The following NDRG2 variants were observed in gnomAD, a reference collection of about 807,000 sequenced individuals.
NDRG2 encodes the protein NDRG family member 2.
Under a neutral mutation model 58.2 loss-of-function variants are expected in NDRG2, and 34 were observed. The observed-to-expected ratio is 0.58, with a 90% confidence interval of 0.44 to 0.78. The LOEUF (loss-of-function observed/expected upper bound fraction) is 0.78, where lower values mean the gene tolerates loss of function less well. Ranked by LOEUF, NDRG2 falls within the 30% of genes least tolerant of loss-of-function variation. NDRG2 has a pLI of 0.00. For synonymous variants in NDRG2, 187 were observed against 175.9 expected (o/e 1.06, Z -0.50); for missense variants, 434 against 471.2 (o/e 0.92, Z 0.73).
intron 1 of NDRG2, chr14:21,033,522 C>G (rs1884390643): frequency 2.3e-6 from 1 of 439,498 alleles, no homozygotes; most frequent in African/African-American, 2.0e-5. Flanking sequence ...AGTGGGTGGA[C>G]AGTCACTGCC....
intron 1 of NDRG2, among the ~76,000 whole-genome samples, chr14:21,038,526 A>G (rs903714781): frequency 6.6e-6 from 1 of 152,226 alleles, no homozygotes; most frequent in Non-Finnish European, 1.5e-5. Flanking sequence ...TGGCTTGGAA[A>G]TGGATCTCAT....
At chr14:21,030,450 A>C, upstream of NDRG2, 1 of 883,616 alleles carries the variant, frequency 1.1e-6, no homozygotes, top group Non-Finnish European at 1.7e-6. Context: ...GCAACAGGGA[A>C]GAGGGGAGCT....
upstream of NDRG2, chr14:21,028,328 T>A (rs922214799): frequency 7.2e-5 from 11 of 152,170 alleles, no homozygotes; most frequent in Non-Finnish European, 4.4e-5. Flanking sequence ...CCTAGTTCAC[T>A]GCAGCCCCAA....
In NDRG2 at chr14:21,064,317, T is replaced by A. The variant is rs142572906; in HGVS notation, c.24+6511A>T. Among the ~76,000 whole-genome samples the A allele has an allele frequency of 2.9e-3, 442 of 152,288 alleles. 1 individual carries two copies. Among genetic ancestry groups the A allele is most frequent in the African/African-American group, 0.01 (420 of 41,566 alleles). Reference sequence around the variant, plus strand: ...TTGATGCCTTTTTTTTTTTATTATTTTTGAGACAGAGTCTCTCTCTGTTGC... The same window carrying A: ...TTGATGCCTTTTTTTTTTTATTATTATTGAGACAGAGTCTCTCTCTGTTGC... On this transcript the variant is annotated intron_variant, in intron 1 of 14. Coordinates refer to the NDRG2 transcript ENST00000403829.
At chr14:21,045,850 C>T (rs572259416) in intron 1 of NDRG2, among the ~76,000 whole-genome samples, 2 of 152,236 alleles carry the variant, frequency 1.3e-5, no homozygotes, top group East Asian at 3.9e-4. Flanking sequence ...GGAAGTATAA[C>T]TGTGAAGGGG....
intron 1 of NDRG2, chr14:21,034,681 GA>G (rs1884500905): frequency 5.2e-6 from 1 of 192,858 alleles, no homozygotes; most frequent in East Asian, 1.3e-4. Flanking sequence ...CAGCTGGGAG[GA>G]AGGACAGGAG....
chr14:21,057,618 C>CATAG (rs148168525), intron 1 of NDRG2, among the ~76,000 whole-genome samples: 1 of 122,896 alleles, frequency 8.1e-6, no homozygotes, highest in East Asian at 2.3e-4. Flanking sequence ...TCATTTTATT[C>CATAG]ATATATATAT....
rs76643306 is a variant in NDRG2 at position 21,022,447 on chromosome 14, G to A, written c.168C>T (p.Gly56=). 1 of 1,614,080 alleles carries A rather than the reference G, an allele frequency of 6.2e-7. No individual in the cohort carries two copies. The highest frequency in any genetic ancestry group is 1.1e-5 in the South Asian group (1 of 91,072). The change falls in exon 4 of 16, where the codon GGC becomes GGT. Residue 56 remains glycine, a synonymous_variant. Coordinates refer to ENST00000556147, the MANE Select transcript of NDRG2 (RefSeq NM_001320329.2). ...TCGCTGGGCGTTTGGGTTTGGGGGT[G>A]CCATAGACAGTGAAAGTGACAGAGC... The part of the protein sequence containing the change: ...PYGSVTFTVY[G]TPKPKRPAIL...
chr14:21,024,265 G>A lies in NDRG2; in HGVS notation c.-242C>T, dbSNP rs565259702. On this transcript the variant is annotated 5_prime_UTR_variant, in exon 1 of 16. Coordinates refer to ENST00000556147, the MANE Select transcript of NDRG2 (RefSeq NM_001320329.2). ...AAGTCCAGAGAACACGTCCTCTCTA[G>A]GCTCGAGCCGGAATCAATATAGGCT... 6.1e-6 allele frequency: 6 copies of A among 985,460 alleles called. No homozygotes were observed. In the East Asian group the frequency reaches 6.8e-4, roughly 112 times the overall value. 61.0% of individuals were successfully genotyped at this position (985,460 alleles called of 1,614,324 possible).
At chr14:21,058,317 G>A in intron 1 of NDRG2, 3 of 1,613,334 alleles carry the variant, frequency 1.9e-6, no homozygotes, top group Non-Finnish European at 2.5e-6. Flanking sequence ...GGTGACCCAG[G>A]GTACCCACTT....
At chr14:21,064,609 T>C (rs1181427393) in intron 1 of NDRG2, among the ~76,000 whole-genome samples, 1 of 152,228 alleles carries the variant, frequency 6.6e-6, no homozygotes, top group Non-Finnish European at 1.5e-5. Flanking sequence ...GCCTACTTGA[T>C]GCTTTAACTA....
chr14:21,020,937 G>A (rs761464597), intron 6 of NDRG2, 93 bp from the exon 7 acceptor site: 1 of 1,360,130 alleles, frequency 7.4e-7, no homozygotes, highest in South Asian at 1.2e-5. Flanking sequence ...TCCCTCCTGA[G>A]TCCACGGGCA....
intron 1 of NDRG2, among the ~76,000 whole-genome samples, chr14:21,037,656 G>A (rs1451071800): frequency 6.6e-6 from 1 of 152,190 alleles, no homozygotes; most frequent in Non-Finnish European, 1.5e-5. Flanking sequence ...TAAATAATTA[G>A]CTAATCAAAT....
chr14:21,069,909 G>C (rs763688233), intron 1 of NDRG2, among the ~76,000 whole-genome samples: 2 of 152,210 alleles, frequency 1.3e-5, no homozygotes, highest in Non-Finnish European at 2.9e-5. Context: ...GGGAAGGGGC[G>C]GCCCAAGGGA....
chr14:21,062,868 C>T (rs1232154251), intron 1 of NDRG2, among the ~76,000 whole-genome samples: 1 of 150,430 alleles, frequency 6.6e-6, no homozygotes, highest in African/African-American at 2.5e-5. Context: ...AATTCCAACA[C>T]TTTGGGAGGC....
In NDRG2 at chr14:21,070,675, G is replaced by A. The variant is rs1886700494; in HGVS notation, c.24+153C>T. Among the ~76,000 whole-genome samples, 1 of 149,956 alleles carries A rather than the reference G, an allele frequency of 6.7e-6. No individual in the cohort carries two copies. The highest frequency in any genetic ancestry group is 2.1e-4 in the South Asian group (1 of 4,702). On this transcript the variant is annotated intron_variant, in intron 1 of 14. Transcript: ENST00000403829. This position sits in a 1 kb window ranked among gnomAD's most constrained non-coding sequence, Gnocchi z 4.7. ...TCTCCCCTAATCCACACACCTCCCC[G>A]CTCCCCGCCCTCCTCTGTCCTGACC...
In NDRG2 at chr14:21,017,603, G is replaced by A; in HGVS notation, c.1109C>T (p.Ser370Phe). The change falls in exon 16 of 16, where the codon TCC (serine) becomes TTC (phenylalanine). Residue 370 changes from serine (S) to phenylalanine (F), a missense_variant. By Grantham distance (155) the Ser-to-Phe change is radical. Transcript: ENST00000556147. ...SGPPGHTMEV[S>F]C ...TAGGGCAACAAGGGCCATTCAACAGGAGACCTCCATGGTGTGCCCCGGGGG... is the reference window on the plus strand; with the variant it reads ...TAGGGCAACAAGGGCCATTCAACAGAAGACCTCCATGGTGTGCCCCGGGGG... 1 of 1,613,488 alleles carries A rather than the reference G, an allele frequency of 6.2e-7. No individual in the cohort carries two copies. Among genetic ancestry groups the A allele is most frequent in the Non-Finnish European group, 8.5e-7 (1 of 1,179,744 alleles).
upstream of NDRG2, among the ~76,000 whole-genome samples, chr14:21,027,410 T>G (rs1162694319): frequency 6.6e-6 from 1 of 152,180 alleles, no homozygotes; most frequent in Non-Finnish European, 1.5e-5. Context: ...CTCTAGACAT[T>G]TGTGATGAGA....
At chr14:21,058,040 T>C (rs1458858942) in intron 1 of NDRG2, 22 of 1,613,980 alleles carry the variant, frequency 1.4e-5, no homozygotes, top group Non-Finnish European at 1.8e-5. Flanking sequence ...CCCTCAAGCA[T>C]GCAACTCAGC....
Sources: allele counts gnomAD v4.1 joint callset (sites outside exome capture counted in the v4.1 genomes callset), GRCh38; gene constraint gnomAD v4.1.1; non-coding constraint Gnocchi (gnomAD v3.1); transcripts MANE v1.5; gene names NCBI Gene and HGNC (gene_info 2026-07-23, HGNC 2026-07-21).